Variants in PLEKHM3 observed in about 807,000 individuals in gnomAD.
PLEKHM3 encodes the protein pleckstrin homology domain-containing family M member 3.
In PLEKHM3, 45 loss-of-function variants were observed where a neutral mutation model predicts 81.8. That is an observed-to-expected ratio of 0.55 (90% CI 0.43 to 0.71). The LOEUF is 0.71. Ranked by LOEUF, PLEKHM3 falls within the 30% of genes least tolerant of loss-of-function variation. The probability of loss-of-function intolerance (pLI) is 0.00; values close to 1 mark genes in which losing one functional copy is unlikely to be tolerated. For missense variants in PLEKHM3, 788 were observed against 924.3 expected, an observed-to-expected ratio of 0.85 and a Z score of 1.91; for synonymous variants, 352 against 356.4, an observed-to-expected ratio of 0.99 and a Z score of 0.14.
chr2:207,834,431 CTTCTT>C (rs2092306581), intron 7 of PLEKHM3, among the ~76,000 whole-genome samples: 1 of 83,258 alleles, frequency 1.2e-5, no homozygotes. Context: ...CGCCCAGCCT[CTTCTT>C]TTTTTTTTTT....
At chr2:207,994,870 C>T (rs1279225127) in intron 2 of PLEKHM3, among the ~76,000 whole-genome samples, 2 of 152,166 alleles carry the variant, frequency 1.3e-5, no homozygotes, top group African/African-American at 4.8e-5. Context: ...TCCACTAGCA[C>T]AGCCGACATT....
At chr2:208,008,501 CAAAAAAAAAAAA>C (rs59305459) in intron 1 of PLEKHM3, among the ~76,000 whole-genome samples, 3 of 83,748 alleles carry the variant, frequency 3.6e-5, no homozygotes, top group Admixed American at 1.3e-4. Flanking sequence ...CTAACCTTGC[CAAAAAAAAAAAA>C]AAAAAAAAAA....
rs553755104 is a variant in PLEKHM3, at chr2:207,859,300, G to T, written c.2108+1805C>A. On this transcript the variant is annotated intron_variant, in intron 7 of 7. Transcript: ENST00000427836. Reference sequence around the variant, plus strand: ...ATTACAGGCATGTACCACTATACCCGGCTAATTTTGTATTTTTAGTAGAGA... The same window carrying T: ...ATTACAGGCATGTACCACTATACCCTGCTAATTTTGTATTTTTAGTAGAGA... Among the ~76,000 whole-genome samples the T allele has an allele frequency of 5.8e-3, 872 of 151,594 alleles. 11 individuals are homozygous for T. Among genetic ancestry groups the T allele is most frequent in the African/African-American group, 0.02 (830 of 41,360 alleles).
intron 3 of PLEKHM3, among the ~76,000 whole-genome samples, chr2:207,971,951 AT>A (rs921904810): frequency 5.3e-5 from 8 of 152,206 alleles, no homozygotes; most frequent in African/African-American, 1.9e-4. Context: ...AAAATCTGCA[AT>A]TTCACATAGT....
intron 5 of PLEKHM3, among the ~76,000 whole-genome samples, chr2:207,915,557 C>G (rs567252507): frequency 3.3e-5 from 5 of 152,134 alleles, no homozygotes; most frequent in African/African-American, 1.2e-4. Flanking sequence ...AAGCTCAGTT[C>G]TTAGAGATGC....
At chr2:207,948,553 T>G (rs1690220302) in intron 3 of PLEKHM3, among the ~76,000 whole-genome samples, 2 of 149,168 alleles carry the variant, frequency 1.3e-5, no homozygotes, top group South Asian at 2.1e-4. Flanking sequence ...TTTGTTTTTT[T>G]TTTTTTTTGA....
chr2:207,861,614 A>G (rs2092467858), intron 6 of PLEKHM3, among the ~76,000 whole-genome samples: 1 of 152,238 alleles, frequency 6.6e-6, no homozygotes, highest in Non-Finnish European at 1.5e-5. Flanking sequence ...GAGTAAACTG[A>G]AAACATACAG....
At chr2:207,842,527 G>GTAT (rs1421330308) in intron 7 of PLEKHM3, among the ~76,000 whole-genome samples, 1 of 152,152 alleles carries the variant, frequency 6.6e-6, no homozygotes, top group African/African-American at 2.4e-5. Flanking sequence ...AACCAAAGAT[G>GTAT]TATTACCTTG....
intron 6 of PLEKHM3, among the ~76,000 whole-genome samples, chr2:207,898,654 G>C (rs1688322501): frequency 6.6e-6 from 1 of 152,094 alleles, no homozygotes; most frequent in Non-Finnish European, 1.5e-5. Flanking sequence ...GCTACACAGG[G>C]GGCTGAGGTG....
At chr2:207,994,944 C>G (rs796243929) in intron 2 of PLEKHM3, among the ~76,000 whole-genome samples, 18 of 152,240 alleles carry the variant, frequency 1.2e-4, no homozygotes, top group African/African-American at 4.1e-4. Flanking sequence ...CCAAGTAAGA[C>G]AGTTAAAAAA....
intron 7 of PLEKHM3, among the ~76,000 whole-genome samples, chr2:207,858,241 T>A (rs1167248421): frequency 1.3e-5 from 2 of 150,632 alleles, no homozygotes; most frequent in African/African-American, 2.5e-5. Context: ...TGGTGTGATC[T>A]TGGCTCACTG....
At chr2:207,916,160 G>C (rs530598136) in intron 5 of PLEKHM3, among the ~76,000 whole-genome samples, 1 of 152,234 alleles carries the variant, frequency 6.6e-6, no homozygotes, top group African/African-American at 2.4e-5. Context: ...TGAAAAAATG[G>C]CAAGATTGCA....
chr2:208,025,105 C>A (rs1693284642), intron 1 of PLEKHM3, among the ~76,000 whole-genome samples: 1 of 152,194 alleles, frequency 6.6e-6, no homozygotes, highest in South Asian at 2.1e-4. Context: ...GGCAGGGATA[C>A]TAATAACGCA....
chr2:207,870,615 C>T (rs549450670), intron 6 of PLEKHM3, among the ~76,000 whole-genome samples: 2 of 152,272 alleles, frequency 1.3e-5, no homozygotes, highest in South Asian at 4.1e-4. Context: ...CATTTTGTTT[C>T]TAGGGTCATT....
At chr2:207,847,732 A>G (rs1261974833) in intron 7 of PLEKHM3, among the ~76,000 whole-genome samples, 1 of 152,234 alleles carries the variant, frequency 6.6e-6, no homozygotes, top group Non-Finnish European at 1.5e-5. Flanking sequence ...CTCCTCTGAA[A>G]AGGTACTCTA....
At chr2:207,987,290 T>C (rs1012961139) in intron 2 of PLEKHM3, among the ~76,000 whole-genome samples, 15 of 152,132 alleles carry the variant, frequency 9.9e-5, no homozygotes, top group Non-Finnish European at 1.5e-4. Flanking sequence ...CCTCTAAGGC[T>C]GCACACTTCT....
intron 7 of PLEKHM3, among the ~76,000 whole-genome samples, chr2:207,858,180 A>ATATTTT (rs751293954): frequency 0.019 from 1,932 of 103,812 alleles, 51 homozygotes; most frequent in African/African-American, 0.05. Context: ...GTGTGTATAT[A>ATATTTT]TTTTTTTTTT....
At chr2:207,834,721 G>A (rs545733030) in intron 7 of PLEKHM3, among the ~76,000 whole-genome samples, 15 of 151,062 alleles carry the variant, frequency 9.9e-5, no homozygotes, top group Admixed American at 4.6e-4. Context: ...CACCGTGCCC[G>A]GCCTGACTTT....
At chr2:207,938,159 G>A (rs565922959) in intron 4 of PLEKHM3, among the ~76,000 whole-genome samples, 2 of 152,264 alleles carry the variant, frequency 1.3e-5, no homozygotes, top group South Asian at 4.1e-4. Flanking sequence ...GAAGAGTTAG[G>A]GTTGTTTGAT....
Sources: gnomAD v4.1 joint callset for allele counts (sites outside exome capture counted in the v4.1 genomes callset) on GRCh38, gnomAD v4.1.1 for gene constraint, MANE v1.5 for transcripts, NCBI Gene and HGNC (gene_info 2026-07-23, HGNC 2026-07-21) for gene names.